PARD3: variants seen among roughly 807,000 people sequenced by gnomAD.
The protein encoded by PARD3 is partitioning defective 3 homolog.
PARD3 carries 75 observed loss-of-function variants against 155.4 expected under a neutral mutation model. The observed-to-expected ratio is 0.48, with a 90% confidence interval of 0.40 to 0.58. The LOEUF (loss-of-function observed/expected upper bound fraction) is 0.58. Among genes scored for constraint, PARD3 ranks in the 20% least tolerant of loss-of-function variants. The pLI is 0.00. For missense variants in PARD3, 1,642 were observed against 1,721.7 expected (o/e 0.95, Z 0.82); for synonymous variants, 576 against 610.5 (o/e 0.94, Z 0.83).
intron 5 of PARD3, among the ~76,000 whole-genome samples, chr10:34,429,417 C>G (rs907891095): frequency 4.1e-5 from 6 of 147,614 alleles, no homozygotes; most frequent in African/African-American, 1.5e-4. Context: ...TTTTTTGAGA[C>G]AGGGTCTCAC....
At chr10:34,439,820 C>A (rs992243859) in intron 5 of PARD3, among the ~76,000 whole-genome samples, 1 of 152,116 alleles carries the variant, frequency 6.6e-6, no homozygotes, top group Non-Finnish European at 1.5e-5. Context: ...CAAAAGCCTA[C>A]GCCAACCCTA....
chr10:34,655,660 C>T (rs1037703547), intron 2 of PARD3, among the ~76,000 whole-genome samples: 4 of 152,070 alleles, frequency 2.6e-5, no homozygotes, highest in African/African-American at 7.2e-5. Context: ...AGAACGCTGA[C>T]GAATATAGCC....
intron 1 of PARD3, among the ~76,000 whole-genome samples, chr10:34,798,589 G>A (rs933222675): frequency 3.3e-5 from 5 of 151,222 alleles, no homozygotes; most frequent in Admixed American, 6.6e-5. Flanking sequence ...CCTGTAACCC[G>A]AGCCGCTCAG....
intron 3 of PARD3, among the ~76,000 whole-genome samples, chr10:34,477,795 T>TA (rs2078811359): frequency 6.6e-6 from 1 of 152,218 alleles, no homozygotes; most frequent in Admixed American, 6.5e-5. Flanking sequence ...CTAAATATAA[T>TA]ATGCAGTTAC....
At chr10:34,261,781 AAAAGAAAGAAAG>A (rs1158080569) in intron 22 of PARD3, among the ~76,000 whole-genome samples, 2,471 of 132,014 alleles carry the variant, frequency 0.019, 58 homozygotes, top group South Asian at 0.033. Flanking sequence ...AGAAAGAAAG[AAAAGAAAGAAAG>A]AAAGAAAGAA....
chr10:34,194,089 A>G (rs2133284104), intron 22 of PARD3, among the ~76,000 whole-genome samples: 1 of 152,316 alleles, frequency 6.6e-6, no homozygotes, highest in Non-Finnish European at 1.5e-5. Flanking sequence ...CCCAAGCTTC[A>G]TAAATAACCA....
chr10:34,608,326 G>A (rs888564635), intron 2 of PARD3, among the ~76,000 whole-genome samples: 9 of 152,014 alleles, frequency 5.9e-5, no homozygotes, highest in Non-Finnish European at 1.3e-4. Context: ...CGTATATAGC[G>A]TAAGAGATAA....
rs200878262 is a variant in PARD3 at position 34,194,653 on chromosome 10, T to TC, written c.3420-63071dup. On this transcript the variant is annotated intron_variant, in intron 22 of 24. Coordinates refer to ENST00000374788, the MANE Select transcript of PARD3 (RefSeq NM_001184785.2). ...TTTTTCTTAAATTAACACTTTTTTT[T>TC]CCCCTCCATGTTCAAGGCAGTGTTA... is the stretch of plus-strand genomic sequence containing the variant. Among the ~76,000 whole-genome samples, 1,184 of 149,530 alleles carry TC rather than the reference T, an allele frequency of 7.9e-3. 17 individuals carry two copies. Among genetic ancestry groups the TC allele is most frequent in the African/African-American group, 0.028 (1,132 of 40,370 alleles).
intron 20 of PARD3, among the ~76,000 whole-genome samples, chr10:34,293,340 CTTTA>C (rs1169409546): frequency 6.6e-6 from 1 of 152,090 alleles, no homozygotes; most frequent in Non-Finnish European, 1.5e-5. Context: ...GCTTGATGCA[CTTTA>C]TTTTTTTCAA....
chr10:34,603,581 T>C (rs2089972692), intron 2 of PARD3, among the ~76,000 whole-genome samples: 1 of 152,168 alleles, frequency 6.6e-6, no homozygotes, highest in African/African-American at 2.4e-5. Context: ...CAGAGTTCAA[T>C]ATGCAGACTA....
intron 1 of PARD3, among the ~76,000 whole-genome samples, chr10:34,710,824 T>C (rs560667681): frequency 9.7e-4 from 148 of 152,244 alleles, no homozygotes; most frequent in African/African-American, 3.4e-3. Context: ...CTGCAAAGCT[T>C]TCACCCCCAG....
At chr10:34,175,928 C>T (rs2133155300) in intron 22 of PARD3, among the ~76,000 whole-genome samples, 1 of 152,328 alleles carries the variant, frequency 6.6e-6, no homozygotes, top group African/African-American at 2.4e-5. Flanking sequence ...AATCTCTTCC[C>T]TTCTTACTGA....
intron 22 of PARD3, among the ~76,000 whole-genome samples, chr10:34,189,441 G>GGCA (rs1450372848): frequency 2.6e-5 from 4 of 152,192 alleles, no homozygotes; most frequent in African/African-American, 9.7e-5. Context: ...CAAAACAGCT[G>GGCA]GCAACTTGGC....
chr10:34,221,993 C>T (rs904960459), intron 22 of PARD3, among the ~76,000 whole-genome samples: 1 of 152,174 alleles, frequency 6.6e-6, no homozygotes, highest in South Asian at 2.1e-4. Flanking sequence ...TGTTACTGAA[C>T]TGTACCCTTA....
chr10:34,567,981 T>C (rs958852314), intron 2 of PARD3, among the ~76,000 whole-genome samples: 1 of 151,896 alleles, frequency 6.6e-6, no homozygotes, highest in African/African-American at 2.4e-5. Context: ...GTCAATGGGA[T>C]AATGACTGCT....
intron 12 of PARD3, among the ~76,000 whole-genome samples, chr10:34,372,053 C>T (rs999208782): frequency 6.6e-6 from 1 of 152,044 alleles, no homozygotes; most frequent in Non-Finnish European, 1.5e-5. Flanking sequence ...TATGCTTAGC[C>T]TAATACTGAC....
chr10:34,437,769 T>A (rs1026440235), intron 5 of PARD3, among the ~76,000 whole-genome samples: 1 of 152,234 alleles, frequency 6.6e-6, no homozygotes, highest in Non-Finnish European at 1.5e-5. Context: ...CAATTGCTTA[T>A]AAATTATTCA....
At chr10:34,676,613 C>T (rs182633266) in intron 2 of PARD3, among the ~76,000 whole-genome samples, 2 of 152,088 alleles carry the variant, frequency 1.3e-5, no homozygotes, top group Non-Finnish European at 1.5e-5. Flanking sequence ...TGGAACGACA[C>T]GCAATTAGAA....
At chr10:34,621,400 T>C (rs1017469640) in intron 2 of PARD3, among the ~76,000 whole-genome samples, 13 of 152,244 alleles carry the variant, frequency 8.5e-5, no homozygotes, top group East Asian at 1.9e-4. Flanking sequence ...TTTTGCCACA[T>C]TGGCCAGGCT....
Sources: gnomAD v4.1 joint callset for allele counts (sites outside exome capture counted in the v4.1 genomes callset) on GRCh38, gnomAD v4.1.1 for gene constraint, MANE v1.5 for transcripts, NCBI Gene and HGNC (gene_info 2026-07-23, HGNC 2026-07-21) for gene names.